Variants in CCNF observed in about 807,000 individuals in gnomAD.
CCNF encodes cyclin-F.
A neutral mutation model predicts 85.4 loss-of-function variants in CCNF; 30 were observed. The ratio of observed to expected loss-of-function variants is 0.35; its 90% CI spans 0.26 to 0.48. CCNF has a LOEUF of 0.48. Ranked by LOEUF, CCNF falls within the 20% of genes least tolerant of loss-of-function variation. The pLI is 0.99. For synonymous variants in CCNF, 439 were observed against 425.1 expected, an observed-to-expected ratio of 1.03 and a Z score of -0.40; for missense variants, 919 against 1,010.4, an observed-to-expected ratio of 0.91 and a Z score of 1.23.
At chr16:2,440,574 G>A (rs1055305633) in intron 8 of CCNF, among the ~76,000 whole-genome samples, 9 of 151,884 alleles carry the variant, frequency 5.9e-5, no homozygotes, top group African/African-American at 1.2e-4. Flanking sequence ...CAGCCTGGGC[G>A]ACAGAGCAAG....
At chr16:2,443,616 G>A in intron 8 of CCNF, 33 bp from the exon 9 acceptor site, 3 of 1,605,018 alleles carry the variant, frequency 1.9e-6, no homozygotes, top group Non-Finnish European at 2.6e-6. Flanking sequence ...CATGGCTGCT[G>A]TCTCACGCTC....
At chr16:2,445,723 T>G in intron 10 of CCNF, 101 bp downstream of exon 10, 1 of 997,508 alleles carries the variant, frequency 1.0e-6, no homozygotes, top group Non-Finnish European at 1.3e-6. Flanking sequence ...GGTTTTGTTT[T>G]GTGTTGTTTT....
At chr16:2,443,915 C>G (rs1006968230) in intron 9 of CCNF, 115 bp downstream of exon 9, 2 of 865,472 alleles carry the variant, frequency 2.3e-6, no homozygotes, top group Non-Finnish European at 3.4e-6. Context: ...ATAGAGTTCC[C>G]TTATCACCCT....
chr16:2,449,881 C>G lies in CCNF; in HGVS notation c.1453C>G (p.Leu485Val). Residue 485 changes from leucine (L) to valine (V), a missense_variant, in exon 13 of 17, where the codon CTC (leucine) becomes GTC (valine). Physicochemically the swap from Leu to Val is conservative, Grantham distance 32. Transcript: ENST00000397066. ...CCTCACCGGATTCTCCTATGAAGAC[C>G]TCATTCCCTGCGTCTTGAGCCTCCA... is the stretch of plus-strand genomic sequence containing the variant. ...WDLTGFSYED[L>V]IPCVLSLHKK... The G allele has an allele frequency of 6.2e-7, 1 of 1,612,454 alleles. No individual in the cohort carries two copies. The highest frequency in any genetic ancestry group is 8.5e-7 in the Non-Finnish European group (1 of 1,179,410).
Position 2,453,453 on chromosome 16 carries a change from A to G in CCNF, c.1631A>G (p.Gln544Arg). 1 of 1,614,040 alleles carries G rather than the reference A, an allele frequency of 6.2e-7. No homozygotes were observed. Among genetic ancestry groups the G allele is most frequent in the Non-Finnish European group, 8.5e-7 (1 of 1,179,994 alleles). Residue 544 changes from glutamine to arginine, a missense_variant, in exon 15 of 17, where the codon CAA becomes CGA. By Grantham distance (43) the Gln-to-Arg change is conservative (BLOSUM62 1). Around this residue, in one of 3 missense-constraint regions of CCNF, gnomAD observed 505 missense variants for 514.8 expected, o/e 0.98. Transcript: ENST00000397066. This position sits in a 1 kb window ranked among gnomAD's most constrained non-coding sequence, Gnocchi z 5.6. Reference sequence around the variant, plus strand: ...TTGTGTGCTGCATTAGGAGTGACACAAGACAGCCCCGACCCCCCGACTTTC... The same window carrying G: ...TTGTGTGCTGCATTAGGAGTGACACGAGACAGCCCCGACCCCCCGACTTTC... ...SQLCAALGVT[Q>R]DSPDPPTFLS...
At chr16:2,435,902 C>T (rs746961242) in intron 4 of CCNF, 29 bp downstream of exon 4, 26 of 1,531,744 alleles carry the variant, frequency 1.7e-5, no homozygotes, top group African/African-American at 2.7e-5. Flanking sequence ...TGCATGTTGG[C>T]GCTTCAGATA....
intron 2 of CCNF, among the ~76,000 whole-genome samples, chr16:2,431,629 G>A (rs1439436253): frequency 1.4e-5 from 2 of 140,752 alleles, no homozygotes; most frequent in Non-Finnish European, 3.0e-5. Context: ...GCAGTGAGCC[G>A]AGATCACATC....
At chr16:2,435,240 AC>A (rs1289856384) in intron 3 of CCNF, among the ~76,000 whole-genome samples, 1 of 123,494 alleles carries the variant, frequency 8.1e-6, no homozygotes, top group East Asian at 2.4e-4. Flanking sequence ...AACAGAGCAG[AC>A]TCCGTCTCAA....
chr16:2,433,236 C>T (rs2065271583), intron 3 of CCNF, among the ~76,000 whole-genome samples, 169 bp downstream of exon 3: 1 of 152,118 alleles, frequency 6.6e-6, no homozygotes, highest in Admixed American at 6.6e-5. Context: ...CGCATCAGGC[C>T]GCACAAGCCA....
Position 2,456,875 on chromosome 16 carries a change from GCCA to G in CCNF, c.2220_2222del (p.His741del). 1 of 1,614,134 alleles carries G rather than the reference GCCA, an allele frequency of 6.2e-7. No homozygotes were observed. The highest frequency in any genetic ancestry group is 1.1e-5 in the South Asian group (1 of 91,088). On this transcript the variant is annotated inframe_deletion, in exon 17 of 17. Coordinates refer to ENST00000397066, the MANE Select transcript of CCNF (RefSeq NM_001761.3). This position sits in a 1 kb window ranked among gnomAD's most constrained non-coding sequence, Gnocchi z 4.5. The stretch of plus-strand genomic sequence containing the variant: ...GACAGTGACTCGCACACACAGCCCT[GCCA>G]CCATCAGGCCAGGAAGTCATGTTTA...
At chr16:2,439,575 C>T (rs1221346188) in intron 7 of CCNF, 118 bp downstream of exon 7, 3 of 925,132 alleles carry the variant, frequency 3.2e-6, no homozygotes, top group Non-Finnish European at 5.1e-6. Context: ...CTCCCGGTCT[C>T]TCAGCCTCCG....
chr16:2,442,788 TATTATATTCTATAATATATAA>T (rs1177923922), intron 8 of CCNF, among the ~76,000 whole-genome samples: 1,436 of 14,090 alleles, frequency 0.1, 475 homozygotes, highest in East Asian at 0.14. Flanking sequence ...TAATATTATA[TATTATATTCTATAATATATAA>T]TATATTCTAT....
At position 2,435,857 on chromosome 16, in the gene CCNF, C is replaced by T. The variant is rs1316849347; in HGVS notation, c.330C>T (p.Tyr110=). The T allele has an allele frequency of 6.2e-7, 1 of 1,613,466 alleles. No homozygotes were observed. Among genetic ancestry groups the T allele is most frequent in the Non-Finnish European group, 8.5e-7 (1 of 1,179,534 alleles). The change falls in exon 4 of 17, where the codon TAC becomes TAT. Residue 110 remains tyrosine (Y), a synonymous_variant. Coordinates refer to ENST00000397066, the MANE Select transcript of CCNF (RefSeq NM_001761.3). ...CTGCTGTGAAGCTGGGCATAGCCTA[C>T]CTCTACAATGAAGGCCGTAAGTCCT... ...FEAAVKLGIA[Y]LYNEGLSVSD...
chr16:2,440,832 C>T (rs2065317247), intron 8 of CCNF, among the ~76,000 whole-genome samples: 1 of 152,120 alleles, frequency 6.6e-6, no homozygotes, highest in Admixed American at 6.6e-5. Flanking sequence ...CTCACGCCTG[C>T]AATCCCAGCG....
intron 4 of CCNF, 127 bp from the exon 5 acceptor site, chr16:2,437,002 C>T: frequency 1.6e-6 from 1 of 634,316 alleles, no homozygotes; most frequent in Non-Finnish European, 2.3e-6. Context: ...GCTCTACTCT[C>T]CTGAAACACA....
chr16:2,441,444 G>A (rs184017595), intron 8 of CCNF, among the ~76,000 whole-genome samples: 117 of 152,132 alleles, frequency 7.7e-4, no homozygotes, highest in Admixed American at 7.7e-3. Flanking sequence ...TCTCGTGGAA[G>A]TTCAAGGGGC....
intron 2 of CCNF, among the ~76,000 whole-genome samples, chr16:2,431,735 A>T (rs112748256): frequency 8.7e-4 from 132 of 151,676 alleles, no homozygotes; most frequent in African/African-American, 3.0e-3. Flanking sequence ...TATCATTACC[A>T]GATGCTTTCT....
At chr16:2,443,167 AATATATATATAATATATAAT>A (rs1201460030) in intron 8 of CCNF, among the ~76,000 whole-genome samples, 1 of 9,620 alleles carries the variant, frequency 1.0e-4, no homozygotes, top group African/African-American at 3.8e-3. Context: ...TATTATATAT[AATATATATATAATATATAAT>A]ATATATATAT....
At chr16:2,434,276 A>G (rs2065276721) in intron 3 of CCNF, among the ~76,000 whole-genome samples, 1 of 152,116 alleles carries the variant, frequency 6.6e-6, no homozygotes, top group African/African-American at 2.4e-5. Flanking sequence ...ATTGCACTCC[A>G]GCCTGGGTGA....
Sources: gnomAD v4.1 joint callset for allele counts (sites outside exome capture counted in the v4.1 genomes callset) on GRCh38, gnomAD v4.1.1 for gene constraint, gnomAD v4.1.1 regional missense constraint, Gnocchi (gnomAD v3.1) non-coding constraint, MANE v1.5 for transcripts, NCBI Gene and HGNC (gene_info 2026-07-23, HGNC 2026-07-21) for gene names.